Variants in CLVS1 observed in about 807,000 individuals in gnomAD.
CLVS1 encodes clavesin-1.
A neutral mutation model predicts 33.1 loss-of-function variants in CLVS1; 10 were observed. That is an observed-to-expected ratio of 0.30 (90% CI 0.19 to 0.51). The LOEUF (loss-of-function observed/expected upper bound fraction) is 0.51, where lower values mean the gene tolerates loss of function less well. Among genes scored for constraint, CLVS1 ranks in the 20% least tolerant of loss-of-function variants. The probability of loss-of-function intolerance (pLI) is 0.97; values close to 1 mark genes in which losing one functional copy is unlikely to be tolerated. For synonymous variants in CLVS1, 163 were observed against 166.1 expected, an observed-to-expected ratio of 0.98 and a Z score of 0.14; for missense variants, 343 against 433.4, an observed-to-expected ratio of 0.79 and a Z score of 1.85.
chr8:61,223,898 G>T (rs1181015999), intron 2 of CLVS1, among the ~76,000 whole-genome samples: 1 of 151,860 alleles, frequency 6.6e-6, no homozygotes, highest in Admixed American at 6.6e-5. Flanking sequence ...ATTCTTGTCT[G>T]CATGTCTTAT....
rs558353884 is a variant in CLVS1 at position 61,117,980 on chromosome 8, C to T, written c.-242-13790C>T. 3.3e-3 allele frequency among the ~76,000 whole-genome samples: 503 copies of T among 152,268 alleles called. 3 individuals are homozygous for T. The highest frequency in any genetic ancestry group is 9.2e-3 in the East Asian group (48 of 5,190). ...TCCTCCTTGTACCTCTGGTAGACTT[C>T]GGCTGTGAATCCATCTGGTCCTGGA... is the stretch of plus-strand genomic sequence containing the variant. On this transcript the variant is annotated intron_variant, in intron 1 of 2. Coordinates refer to the CLVS1 transcript ENST00000522621.
Position 61,079,638 on chromosome 8 carries a change from AC to A in CLVS1, c.-243+22410del, listed in dbSNP as rs1260069541. Among the ~76,000 whole-genome samples, 4 of 152,300 alleles carry A rather than the reference AC, an allele frequency of 2.6e-5. No homozygotes were observed. In the East Asian group the frequency reaches 7.7e-4, roughly 29 times the overall value. On this transcript the variant is annotated intron_variant, in intron 1 of 2. Coordinates refer to the CLVS1 transcript ENST00000522621. ...GTGCCCTGCATAGACTAACAGAGGG[AC>A]CAGACTGTGATGCTTTTTGAGGGCT... is the stretch of plus-strand genomic sequence containing the variant.
chr8:61,391,119 G>A (rs1226835347), intron 3 of CLVS1: 1 of 152,140 alleles, frequency 6.6e-6, no homozygotes, highest in Non-Finnish European at 1.5e-5. Context: ...ATCCTGAAAT[G>A]CATTTTAGAA....
chr8:61,114,963 A>G (rs1021448607), intron 1 of CLVS1, among the ~76,000 whole-genome samples: 1 of 152,232 alleles, frequency 6.6e-6, no homozygotes. Flanking sequence ...AGTACCATAC[A>G]ATTTTCTGCG....
At chr8:61,402,250 A>T (rs1814798748) in intron 3 of CLVS1, among the ~76,000 whole-genome samples, 1 of 152,138 alleles carries the variant, frequency 6.6e-6, no homozygotes, top group African/African-American at 2.4e-5. Flanking sequence ...TTGGGGAAAA[A>T]TGATTGGCAA....
the CLVS1 span, among the ~76,000 whole-genome samples, chr8:61,021,350 T>C: frequency 2.0e-5 from 3 of 152,048 alleles, no homozygotes; most frequent in Non-Finnish European, 4.4e-5. Flanking sequence ...GTGTTTTGTT[T>C]GTTTGTTTGT....
chr8:61,430,504 A>G (rs1816069577), intron 3 of CLVS1, among the ~76,000 whole-genome samples: 1 of 152,124 alleles, frequency 6.6e-6, no homozygotes, highest in African/African-American at 2.4e-5. Flanking sequence ...CCTTCCAGCA[A>G]ATCAGCAAAC....
At chr8:61,425,293 T>C (rs980479283) in intron 3 of CLVS1, among the ~76,000 whole-genome samples, 7 of 152,194 alleles carry the variant, frequency 4.6e-5, no homozygotes, top group Non-Finnish European at 8.8e-5. Flanking sequence ...TCTAAGATTA[T>C]TGTTTTCATT....
chr8:61,359,819 G>GT (rs571723846), intron 2 of CLVS1, among the ~76,000 whole-genome samples: 57 of 152,252 alleles, frequency 3.7e-4, no homozygotes, highest in Admixed American at 1.2e-3. Flanking sequence ...CCAATTAGAT[G>GT]TTTTTTTGCA....
At chr8:61,408,249 A>T (rs1460781778) in intron 3 of CLVS1, among the ~76,000 whole-genome samples, 1 of 152,256 alleles carries the variant, frequency 6.6e-6, no homozygotes, top group African/African-American at 2.4e-5. Context: ...GAAGCAATAG[A>T]AGTACATCTC....
At chr8:61,384,674 C>T (rs947774619) in intron 3 of CLVS1, among the ~76,000 whole-genome samples, 3 of 152,040 alleles carry the variant, frequency 2.0e-5, no homozygotes, top group African/African-American at 7.2e-5. Flanking sequence ...CTGTGGATAT[C>T]TTCATCATTT....
chr8:61,272,079 T>C (rs1243547885), intron 2 of CLVS1, among the ~76,000 whole-genome samples: 2 of 151,654 alleles, frequency 1.3e-5, no homozygotes, highest in African/African-American at 4.8e-5. Context: ...ATGCAGTTTC[T>C]TCCTAGTCTC....
At chr8:60,997,302 C>A in the CLVS1 span, among the ~76,000 whole-genome samples, 1 of 152,084 alleles carries the variant, frequency 6.6e-6, no homozygotes, top group African/African-American at 2.4e-5. Flanking sequence ...GGCAGACATG[C>A]TGGGAATCCT....
At chr8:61,076,787 CT>C (rs1057402031) in intron 1 of CLVS1, among the ~76,000 whole-genome samples, 2 of 152,160 alleles carry the variant, frequency 1.3e-5, no homozygotes, top group Admixed American at 1.3e-4. Flanking sequence ...TGCACCACCC[CT>C]GATATTGGTT....
intron 2 of CLVS1, among the ~76,000 whole-genome samples, chr8:61,186,559 C>T (rs1293696399): frequency 1.3e-5 from 2 of 152,098 alleles, no homozygotes; most frequent in Non-Finnish European, 2.9e-5. Flanking sequence ...CCTTTCCTCC[C>T]ATGACCCACC....
chr8:61,140,955 A>G (rs878885492), intron 2 of CLVS1, among the ~76,000 whole-genome samples: 2 of 152,030 alleles, frequency 1.3e-5, no homozygotes, highest in East Asian at 3.9e-4. Flanking sequence ...TGAGTCAGGC[A>G]CCTCTCTCCT....
the CLVS1 span, among the ~76,000 whole-genome samples, chr8:60,967,128 C>T: frequency 6.6e-6 from 1 of 152,190 alleles, no homozygotes; most frequent in Non-Finnish European, 1.5e-5. Flanking sequence ...TGAAATCTCA[C>T]TGTCAATAAT....
At chr8:61,099,984 A>G (rs1368499013) in intron 1 of CLVS1, among the ~76,000 whole-genome samples, 1 of 152,208 alleles carries the variant, frequency 6.6e-6, no homozygotes, top group African/African-American at 2.4e-5. Flanking sequence ...GATAAATTAG[A>G]ATGCTAGAAT....
chr8:61,340,011 AAAAAGAAAGAAAGG>A (rs1410262411), intron 2 of CLVS1, among the ~76,000 whole-genome samples: 3 of 150,628 alleles, frequency 2.0e-5, no homozygotes, highest in Non-Finnish European at 3.0e-5. Context: ...AGAAAGGAAG[AAAAAGAAAGAAAGG>A]AAAAGAAAGA....
Sources: allele counts gnomAD v4.1 joint callset (sites outside exome capture counted in the v4.1 genomes callset), GRCh38; gene constraint gnomAD v4.1.1; transcripts MANE v1.5; gene names NCBI Gene and HGNC (gene_info 2026-07-23, HGNC 2026-07-21).